TCF12: variants seen among roughly 807,000 people sequenced by gnomAD.
TCF12 encodes the protein DNA-binding protein HTF4.
A neutral mutation model predicts 86.0 loss-of-function variants in TCF12; 45 were observed. The observed-to-expected ratio is 0.52, with a 90% CI of 0.41 to 0.67. The LOEUF is 0.67. TCF12 is among the 30% of genes least tolerant of loss of function. The pLI is 0.00. For synonymous variants in TCF12, 330 were observed against 299.6 expected (o/e 1.10, Z -1.05); for missense variants, 881 against 859.9 (o/e 1.02, Z -0.31).
intron 16 of TCF12, among the ~76,000 whole-genome samples, chr15:57,261,830 C>T (rs1294247571): frequency 1.3e-5 from 2 of 151,964 alleles, no homozygotes; most frequent in African/African-American, 4.8e-5. Context: ...TCACAAACAC[C>T]CTCTGTGGGA....
At chr15:57,084,301 T>C (rs2048490550) in intron 4 of TCF12, among the ~76,000 whole-genome samples, 2 of 152,176 alleles carry the variant, frequency 1.3e-5, no homozygotes, top group Non-Finnish European at 2.9e-5. Context: ...ACTGGTTGTA[T>C]ATAGTATGTG....
rs182435436 is a variant in TCF12, at chr15:57,153,481, G to T, written c.326-12921G>T. Among the ~76,000 whole-genome samples the T allele has an allele frequency of 2.0e-5, 3 of 152,174 alleles. No individual in the cohort carries two copies. In the East Asian group the frequency reaches 5.8e-4, roughly 29 times the overall value. On this transcript the variant is annotated intron_variant, in intron 5 of 20. Transcript: ENST00000333725. Reference sequence around the variant, plus strand: ...CAAAGAAATGAGAGCTCCAGAAATGGTAATAATGAAAGTAAATATAAAAGA... The same window carrying T: ...CAAAGAAATGAGAGCTCCAGAAATGTTAATAATGAAAGTAAATATAAAAGA...
In TCF12 at chr15:57,040,886, A is replaced by G. The variant is rs570786367; in HGVS notation, c.149-22864A>G. Among the ~76,000 whole-genome samples the G allele has an allele frequency of 1.5e-4, 23 of 152,282 alleles. No homozygotes were observed. The South Asian group carries it at 3.3e-3, about 22-fold the overall frequency. Reference sequence around the variant, plus strand: ...GGTGTTGTGAATGTTATTATAGTCAAAATTTCTGCTTAAGTGCATATAGGC... The same window carrying G: ...GGTGTTGTGAATGTTATTATAGTCAGAATTTCTGCTTAAGTGCATATAGGC... On this transcript the variant is annotated intron_variant, in intron 3 of 20. Transcript: ENST00000333725.
chr15:57,014,061 C>T (rs959186519), intron 3 of TCF12, among the ~76,000 whole-genome samples: 3 of 152,116 alleles, frequency 2.0e-5, no homozygotes, highest in Non-Finnish European at 4.4e-5. Flanking sequence ...TGTTGTGTTG[C>T]GATGATCTAG....
downstream of TCF12, among the ~76,000 whole-genome samples, chr15:57,290,334 A>ACT (rs77250348): frequency 0.98 from 138,597 of 141,806 alleles, 67,817 homozygotes; most frequent in East Asian, 1. Flanking sequence ...CAAGAGCAAA[A>ACT]CTGTCTCAAA....
At chr15:57,072,806 A>AC in intron 4 of TCF12, 2 of 844,956 alleles carry the variant, frequency 2.4e-6, no homozygotes, top group Non-Finnish European at 3.1e-6. Flanking sequence ...TGTGAAGAAA[A>AC]CTATGAGTAA....
At chr15:57,273,891 T>G (rs1029285387) in intron 19 of TCF12, among the ~76,000 whole-genome samples, 1 of 152,188 alleles carries the variant, frequency 6.6e-6, no homozygotes, top group Admixed American at 6.5e-5. Context: ...GGAAGTTTGT[T>G]GCAGTTTTGA....
intron 6 of TCF12, among the ~76,000 whole-genome samples, chr15:57,175,435 A>C (rs1216523303): frequency 6.6e-6 from 1 of 152,222 alleles, no homozygotes; most frequent in Non-Finnish European, 1.5e-5. Flanking sequence ...AGGAGGTTTA[A>C]GTACAGTGAA....
intron 3 of TCF12, among the ~76,000 whole-genome samples, chr15:56,997,910 G>T (rs1187290269): frequency 6.6e-6 from 1 of 152,080 alleles, no homozygotes; most frequent in Non-Finnish European, 1.5e-5. Flanking sequence ...AAACCCTAGT[G>T]GCTATATTAA....
intron 3 of TCF12, among the ~76,000 whole-genome samples, chr15:56,922,180 ATTTC>A (rs1317005095): frequency 5.3e-5 from 8 of 151,932 alleles, no homozygotes; most frequent in Non-Finnish European, 1.2e-4. Context: ...AGATGGCTGT[ATTTC>A]TTTACTGGTG....
intron 5 of TCF12, among the ~76,000 whole-genome samples, chr15:57,111,290 A>G (rs1389183166): frequency 1.3e-5 from 2 of 152,152 alleles, no homozygotes; most frequent in Admixed American, 6.5e-5. Flanking sequence ...CATAGTGCCT[A>G]CAACTTTTGC....
Position 57,262,696 on chromosome 15 carries a change from A to G in TCF12, c.1583-416A>G, listed in dbSNP as rs556306816. Among the ~76,000 whole-genome samples the G allele has an allele frequency of 1.6e-4, 25 of 152,330 alleles. 1 individual carries two copies. The South Asian group carries it at 3.9e-3, about 24-fold the overall frequency. ...GAAGATAGAGCACTTGAAAGTGCAA[A>G]TAAGATCACCAAAATAAAGTTCTCC... On this transcript the variant is annotated intron_variant, in intron 17 of 20. Coordinates refer to ENST00000333725, the MANE Select transcript of TCF12 (RefSeq NM_207037.2).
At chr15:57,173,293 G>A (rs1053485299) in intron 6 of TCF12, among the ~76,000 whole-genome samples, 1 of 152,182 alleles carries the variant, frequency 6.6e-6, no homozygotes, top group African/African-American at 2.4e-5. Context: ...TTGAAAGCTT[G>A]TATTAGAAAA....
At chr15:57,192,345 T>G in intron 7 of TCF12, 52 bp downstream of exon 7, 1 of 1,593,010 alleles carries the variant, frequency 6.3e-7, no homozygotes, top group Non-Finnish European at 8.6e-7. Context: ...TGTTGTTTTT[T>G]CCTCCCATAA....
intron 5 of TCF12, among the ~76,000 whole-genome samples, chr15:57,152,842 A>G (rs8031866): frequency 0.87 from 132,515 of 151,622 alleles, 58,894 homozygotes; most frequent in East Asian, 1. Flanking sequence ...TTAAGAAACA[A>G]CAAGAACTCC....
chr15:56,952,131 T>G (rs1307345854), intron 3 of TCF12, among the ~76,000 whole-genome samples: 1 of 152,086 alleles, frequency 6.6e-6, no homozygotes, highest in Non-Finnish European at 1.5e-5. Context: ...GTGAATTCCT[T>G]TGCATGTTTG....
At chr15:57,067,899 A>G (rs1321202293) in intron 4 of TCF12, among the ~76,000 whole-genome samples, 3 of 152,214 alleles carry the variant, frequency 2.0e-5, no homozygotes, top group African/African-American at 7.2e-5. Flanking sequence ...TGGGCAAGAG[A>G]TCTAGTTAAT....
At chr15:57,109,685 A>G (rs1296578852) in intron 5 of TCF12, among the ~76,000 whole-genome samples, 1 of 152,170 alleles carries the variant, frequency 6.6e-6, no homozygotes, top group Non-Finnish European at 1.5e-5. Context: ...ACTATTGTAT[A>G]TTTAAAAATG....
intron 5 of TCF12, among the ~76,000 whole-genome samples, chr15:57,138,127 A>G (rs1448816258): frequency 6.6e-6 from 1 of 152,224 alleles, no homozygotes; most frequent in Non-Finnish European, 1.5e-5. Context: ...GGTAGAGAAC[A>G]AAGACAGGCA....
Sources: gnomAD v4.1 joint callset for allele counts (sites outside exome capture counted in the v4.1 genomes callset) on GRCh38, gnomAD v4.1.1 for gene constraint, MANE v1.5 for transcripts, NCBI Gene and HGNC (gene_info 2026-07-23, HGNC 2026-07-21) for gene names.